The following TESK1 variants were observed in gnomAD, a reference collection of about 807,000 sequenced individuals.
TESK1 encodes the protein dual specificity testis-specific protein kinase 1.
In TESK1, 18 loss-of-function variants were observed where a neutral mutation model predicts 59.9. The ratio of observed to expected loss-of-function variants is 0.30; its 90% confidence interval spans 0.21 to 0.45. The LOEUF (loss-of-function observed/expected upper bound fraction) is 0.45. Ranked by LOEUF, TESK1 falls within the 20% of genes least tolerant of loss-of-function variation. The probability of loss-of-function intolerance (pLI) is 1.00; values close to 1 mark genes in which losing one functional copy is unlikely to be tolerated. For missense variants in TESK1, 748 were observed against 840.9 expected (o/e 0.89, Z 1.37); for synonymous variants, 341 against 357.4 (o/e 0.95, Z 0.52).
In TESK1 at chr9:35,609,707, A is replaced by T. The variant is rs1587897960; in HGVS notation, c.1846A>T (p.Thr616Ser). ...CCGAGGGCACCACGCCAAGCCACCC[A>T]CACCCAGCCTGCAGCTGCCTGGGGC... ...CHRGHHAKPP[T>S]PSLQLPGARS The change falls in exon 10 of 10, where the codon ACA becomes TCA. Residue 616 changes from threonine to serine, a missense_variant. Around this residue, in one of 3 missense-constraint regions of TESK1, gnomAD observed 447 missense variants for 466.1 expected, o/e 0.96. Coordinates refer to ENST00000336395, the MANE Select transcript of TESK1 (RefSeq NM_006285.3). The surrounding 1 kb of genome is among the most constrained non-coding windows in gnomAD (Gnocchi z 6.7). The T allele has an allele frequency of 6.3e-7, 1 of 1,599,918 alleles. No homozygotes were observed. The highest frequency in any genetic ancestry group is 8.5e-7 in the Non-Finnish European group (1 of 1,179,398).
chr9:35,609,870 C>G lies in TESK1; in HGVS notation c.*128C>G, dbSNP rs1822944022. 8.7e-7 allele frequency: 1 copy of G among 1,149,126 alleles called. No individual in the cohort carries two copies. The highest frequency in any genetic ancestry group is 1.2e-6 in the Non-Finnish European group (1 of 841,558). 71.2% of individuals were successfully genotyped at this position (1,149,126 alleles called of 1,614,324 possible). On this transcript the variant is annotated 3_prime_UTR_variant, in exon 10 of 10. Transcript: ENST00000336395. This position sits in a 1 kb window ranked among gnomAD's most constrained non-coding sequence, Gnocchi z 6.7. ...GCTCTTCTCCCCGTGTAGGGGAGCC[C>G]CAGCATGGACTCAAGGGACAGAGCA... is the stretch of plus-strand genomic sequence containing the variant.
In TESK1 at chr9:35,609,778, C is replaced by T. The variant is rs1368030487; in HGVS notation, c.*36C>T. On this transcript the variant is annotated 3_prime_UTR_variant, in exon 10 of 10. Coordinates refer to ENST00000336395, the MANE Select transcript of TESK1 (RefSeq NM_006285.3). This position sits in a 1 kb window ranked among gnomAD's most constrained non-coding sequence, Gnocchi z 6.7. ...CGTGGTCTCAGGCCTCCAACTTTGGCCTTCAGGACACCCTGTAAGAACAGA... is the reference window on the plus strand; with the variant it reads ...CGTGGTCTCAGGCCTCCAACTTTGGTCTTCAGGACACCCTGTAAGAACAGA... 6.6e-7 allele frequency: 1 copy of T among 1,514,688 alleles called. No individual in the cohort carries two copies. The highest frequency in any genetic ancestry group is 8.8e-7 in the Non-Finnish European group (1 of 1,136,258). 93.8% of individuals were successfully genotyped at this position (1,514,688 alleles called of 1,614,324 possible). A position where few individuals can be genotyped will look rare whatever the true frequency, so the allele number is the denominator to read the frequency against.
chr9:35,605,880 C>A, intron 1 of TESK1, 42 bp downstream of exon 1: 1 of 1,606,398 alleles, frequency 6.2e-7, no homozygotes, highest in South Asian at 1.1e-5. Context: ...ACCGAGCCTT[C>A]AACCAGAGGC....
chr9:35,609,561 C>T lies in TESK1; in HGVS notation c.1700C>T (p.Pro567Leu). The change falls in exon 10 of 10, where the codon CCC (proline) becomes CTC (leucine). Residue 567 changes from proline (P) to leucine (L), a missense_variant. Transcript: ENST00000336395. The surrounding 1 kb of genome is among the most constrained non-coding windows in gnomAD (Gnocchi z 6.7). ...CCCCGGGAGCCCGATGAGGGGCTGC[C>T]CTGTCCTGGCTGCTGCCTCGGCCCC... ...SAPREPDEGL[P>L]CPGCCLGPFS... The T allele has an allele frequency of 6.2e-7, 1 of 1,613,626 alleles. No individual in the cohort carries two copies. Among genetic ancestry groups the T allele is most frequent in the Non-Finnish European group, 8.5e-7 (1 of 1,179,826 alleles).
rs773145759 is a variant in TESK1 at position 35,609,704 on chromosome 9, C to T, written c.1843C>T (p.Pro615Ser). The change falls in exon 10 of 10, where the codon CCC (proline) becomes TCC (serine). Residue 615 changes from proline (P) to serine (S), a missense_variant. Pro to Ser is a moderately conservative substitution (Grantham distance 74, BLOSUM62 -1). Around this residue, in one of 3 missense-constraint regions of TESK1, gnomAD observed 447 missense variants for 466.1 expected, o/e 0.96. Transcript: ENST00000336395. This position sits in a 1 kb window ranked among gnomAD's most constrained non-coding sequence, Gnocchi z 6.7. Reference protein sequence around the residue: ...LCHRGHHAKPPTPSLQLPGAR... With the variant: ...LCHRGHHAKPSTPSLQLPGAR... ...CCACCGAGGGCACCACGCCAAGCCACCCACACCCAGCCTGCAGCTGCCTGG... is the reference window on the plus strand; with the variant it reads ...CCACCGAGGGCACCACGCCAAGCCATCCACACCCAGCCTGCAGCTGCCTGG... The T allele has an allele frequency of 6.2e-7, 1 of 1,600,226 alleles. No individual in the cohort carries two copies.
In TESK1 at chr9:35,607,430, C is replaced by G. The variant is rs868223369; in HGVS notation, c.620+21C>G. On this transcript the variant is annotated intron_variant, in intron 5 of 9. Coordinates refer to ENST00000336395, the MANE Select transcript of TESK1 (RefSeq NM_006285.3). The surrounding 1 kb of genome is among the most constrained non-coding windows in gnomAD (Gnocchi z 4.5). Reference sequence around the variant, plus strand: ...TATAGGTGAGATGAATGTCCCTGTTCCCCCCAAATCTCCCAGAGTGCCCCT... The same window carrying G: ...TATAGGTGAGATGAATGTCCCTGTTGCCCCCAAATCTCCCAGAGTGCCCCT... The G allele has an allele frequency of 1.1e-5, 18 of 1,613,242 alleles. No individual in the cohort carries two copies. The highest frequency in any genetic ancestry group is 1.4e-5 in the Non-Finnish European group (17 of 1,179,384).
In TESK1 at chr9:35,609,898, TC is replaced by T. The variant is rs1206822785; in HGVS notation, c.*158del. ...GCATGGACTCAAGGGACAGAGCACT[TC>T]CAGTCGACCCCCCGGCTCGCGTTCC... On this transcript the variant is annotated 3_prime_UTR_variant, in exon 10 of 10. Transcript: ENST00000336395. The surrounding 1 kb of genome is among the most constrained non-coding windows in gnomAD (Gnocchi z 6.7). 2.5e-5 allele frequency: 22 copies of T among 876,794 alleles called. No individual in the cohort carries two copies. Among genetic ancestry groups the T allele is most frequent in the South Asian group, 1.2e-4 (6 of 49,700 alleles). The allele number at this position is 876,794 out of a possible 1,614,324, so 54.3% of individuals were successfully genotyped here.
chr9:35,609,180 C>T lies in TESK1; in HGVS notation c.1319C>T (p.Ser440Leu), dbSNP rs1363174953. Residue 440 changes from serine to leucine, a missense_variant, in exon 10 of 10, where the codon TCA becomes TTA. By Grantham distance (145) the Ser-to-Leu change is moderately radical. Transcript: ENST00000336395. This position sits in a 1 kb window ranked among gnomAD's most constrained non-coding sequence, Gnocchi z 6.7. ...TPARRCRSLP[S>L]SPELPRRMET... ...GCCCGCCGCTGCCGCTCACTACCCTCATCCCCCGAGCTCCCCCGCCGTATG... is the reference window on the plus strand; with the variant it reads ...GCCCGCCGCTGCCGCTCACTACCCTTATCCCCCGAGCTCCCCCGCCGTATG... 2 of 1,613,626 alleles carry T rather than the reference C, an allele frequency of 1.2e-6. No homozygotes were observed. Among genetic ancestry groups the T allele is most frequent in the Non-Finnish European group, 1.7e-6 (2 of 1,180,018 alleles).
Position 35,608,902 on chromosome 9 carries a change from G to T in TESK1, c.1041G>T (p.Arg347Ser). Residue 347 changes from arginine (R) to serine (S), a missense_variant, in exon 10 of 10, where the codon AGG (arginine) becomes AGT (serine). Arg to Ser is a moderately radical substitution (Grantham distance 110). Transcript: ENST00000336395. ...ARGGPSATLP[R>S]PDPRLSRSRS... ...GGGGTCCCTCTGCCACGCTTCCCAG[G>T]CCAGATCCCCGGCTTTCCCGAAGCC... is the stretch of plus-strand genomic sequence containing the variant. 6.2e-7 allele frequency: 1 copy of T among 1,609,816 alleles called. No homozygotes were observed. The highest frequency in any genetic ancestry group is 8.5e-7 in the Non-Finnish European group (1 of 1,177,484).
intron 9 of TESK1, 146 bp from the exon 10 acceptor site, chr9:35,608,716 G>A (rs1186307626): frequency 1.9e-6 from 2 of 1,030,672 alleles, no homozygotes; most frequent in African/African-American, 1.6e-5. Flanking sequence ...AAAGGGGCCT[G>A]GAGATGACAT....
rs1822864644 is a variant in TESK1 at position 35,607,039 on chromosome 9, A to T, written c.537+56A>T. On this transcript the variant is annotated intron_variant, in intron 4 of 9. Transcript: ENST00000336395. This position sits in a 1 kb window ranked among gnomAD's most constrained non-coding sequence, Gnocchi z 4.5. The stretch of plus-strand genomic sequence containing the variant: ...AGAGGGTTTGAGGCTATTAGGTTGT[A>T]ACTGGCCTGTGGATGTTGGAATATG... The T allele has an allele frequency of 6.7e-7, 1 of 1,502,832 alleles. No individual in the cohort carries two copies. Among genetic ancestry groups the T allele is most frequent in the African/African-American group, 1.4e-5 (1 of 71,874 alleles). 93.1% of individuals were successfully genotyped at this position (1,502,832 alleles called of 1,614,324 possible).
rs1822921233 is a variant in TESK1 at position 35,609,210 on chromosome 9, C to G, written c.1349C>G (p.Thr450Arg). ...CCCGAGCTCCCCCGCCGTATGGAGACAGCACTGCCAGGTCCTGGCCCTCCC... is the reference window on the plus strand; with the variant it reads ...CCCGAGCTCCCCCGCCGTATGGAGAGAGCACTGCCAGGTCCTGGCCCTCCC... ...SSPELPRRMETALPGPGPPAV... is the reference protein window; with the variant it reads ...SSPELPRRMERALPGPGPPAV... Residue 450 changes from threonine to arginine, a missense_variant, in exon 10 of 10, where the codon ACA becomes AGA. Coordinates refer to ENST00000336395, the MANE Select transcript of TESK1 (RefSeq NM_006285.3). The surrounding 1 kb of genome is among the most constrained non-coding windows in gnomAD (Gnocchi z 6.7). The G allele has an allele frequency of 6.2e-7, 1 of 1,613,922 alleles. No homozygotes were observed. The highest frequency in any genetic ancestry group is 1.3e-5 in the African/African-American group (1 of 74,934).
Position 35,607,660 on chromosome 9 carries a change from G to A in TESK1, c.699G>A (p.Leu233=), listed in dbSNP as rs1014853393. The A allele has an allele frequency of 5.0e-6, 8 of 1,613,762 alleles. No homozygotes were observed. Among genetic ancestry groups the A allele is most frequent in the Non-Finnish European group, 8.5e-7 (1 of 1,179,742 alleles). ...CTCCAGAGGTGTTACGGGGTGAGCT[G>A]TATGATGAGAAGGTGAGACATCAAC... ...WMAPEVLRGE[L]YDEKADVFAF... is the part of the protein sequence containing the mutation. The change falls in exon 6 of 10, where the codon CTG becomes CTA. Residue 233 remains leucine (L), a synonymous_variant. Coordinates refer to ENST00000336395, the MANE Select transcript of TESK1 (RefSeq NM_006285.3). This position sits in a 1 kb window ranked among gnomAD's most constrained non-coding sequence, Gnocchi z 4.5.
At position 35,607,309 on chromosome 9, in the gene TESK1, T is replaced by A. The variant is rs202154174; in HGVS notation, c.538-18T>A. ...GAAGGTGATGAGTGCGTGGGGATAC[T>A]ATGTGTGTGTGTGTCAGAACTGTCT... is the stretch of plus-strand genomic sequence containing the variant. On this transcript the variant is annotated intron_variant, in intron 4 of 9. Transcript: ENST00000336395. This position sits in a 1 kb window ranked among gnomAD's most constrained non-coding sequence, Gnocchi z 4.5. The A allele has an allele frequency of 6.2e-7, 1 of 1,613,782 alleles. No individual in the cohort carries two copies. The highest frequency in any genetic ancestry group is 8.5e-7 in the Non-Finnish European group (1 of 1,179,768).
At chr9:35,608,608 GA>G in intron 9 of TESK1, 99 bp downstream of exon 9, 2 of 1,036,008 alleles carry the variant, frequency 1.9e-6, no homozygotes. Flanking sequence ...TTTATTAGTT[GA>G]AAAGGCTGGG....
rs1822846609 is a variant in TESK1 at position 35,606,224 on chromosome 9, C to T, written c.342-13C>T. 8.7e-6 allele frequency: 14 copies of T among 1,614,178 alleles called. No homozygotes were observed. Among genetic ancestry groups the T allele is most frequent in the Non-Finnish European group, 1.2e-5 (14 of 1,180,016 alleles). On this transcript the variant is annotated splice_polypyrimidine_tract_variant and intron_variant, in intron 2 of 9. Transcript: ENST00000336395. ...TAATAGCCTATCCTTCTATCTTCCC[C>T]ATCCTCTTGCAGGTTCATGGGAGTC... is the stretch of plus-strand genomic sequence containing the variant.
At chr9:35,606,735 T>C in intron 3 of TESK1, 102 bp from the exon 4 acceptor site, 1 of 1,226,122 alleles carries the variant, frequency 8.2e-7, no homozygotes. Flanking sequence ...CTTACCCCTA[T>C]GACCTCTGTG....
In TESK1 at chr9:35,605,676, G is replaced by T; in HGVS notation, c.57G>T (p.Pro19=). Residue 19 remains proline (P), a synonymous_variant, in exon 1 of 10, where the codon CCG becomes CCT. Transcript: ENST00000336395. ...CTGGGCCCGGGCCTGGAGAGGTGCC[G>T]GGGGAGGGGCCCCCGGGGCCGGGGG... ...RGPGPGPGEV[P]GEGPPGPGGT... 1 of 1,433,908 alleles carries T rather than the reference G, an allele frequency of 7.0e-7. No homozygotes were observed. Among genetic ancestry groups the T allele is most frequent in the South Asian group, 1.4e-5 (1 of 70,260 alleles). 88.8% of individuals were successfully genotyped at this position (1,433,908 alleles called of 1,614,324 possible). A position where few individuals can be genotyped will look rare whatever the true frequency, so the allele number is the denominator to read the frequency against.
At chr9:35,606,732 C>A in intron 3 of TESK1, 105 bp from the exon 4 acceptor site, 1 of 1,222,358 alleles carries the variant, frequency 8.2e-7, no homozygotes, top group Non-Finnish European at 1.1e-6. Context: ...AGTCTTACCC[C>A]TATGACCTCT....
Sources: allele counts gnomAD v4.1 joint callset, GRCh38; gene constraint gnomAD v4.1.1; regional missense constraint gnomAD v4.1.1; non-coding constraint Gnocchi (gnomAD v3.1); transcripts MANE v1.5; gene names NCBI Gene and HGNC (gene_info 2026-07-23, HGNC 2026-07-21).